Variants in SLC26A3 observed in about 807,000 individuals in gnomAD.
The protein encoded by SLC26A3 is chloride anion exchanger.
In SLC26A3, 64 loss-of-function variants were observed where a neutral mutation model predicts 85.6. The ratio of observed to expected loss-of-function variants is 0.75; its 90% CI spans 0.61 to 0.92. SLC26A3 has a LOEUF of 0.92. Ranked by LOEUF, SLC26A3 falls within the 40% of genes least tolerant of loss-of-function variation. SLC26A3 has a pLI of 0.00. For missense variants in SLC26A3, 922 were observed against 927.3 expected (o/e 0.99, Z 0.07); for synonymous variants, 349 against 336.0 (o/e 1.04, Z -0.42).
intron 1 of SLC26A3, among the ~76,000 whole-genome samples, chr7:107,795,557 C>G (rs554956264): frequency 1.3e-5 from 2 of 152,294 alleles, no homozygotes; most frequent in South Asian, 2.1e-4. Context: ...ATCACACACA[C>G]TCCAAACCCA....
In SLC26A3 at chr7:107,791,143, A is replaced by G. The variant is rs2115873956; in HGVS notation, c.475T>C (p.Leu159=). ...GAAGAATTATTCGAGTTGTTAGGCA[A>G]TCCCAAAGTAGTTGCATTGCGATCT... ...VPDRNATTLG[L]PNNSNNSSLL... is the part of the protein sequence containing the mutation. The change falls in exon 5 of 21, where the codon TTG becomes CTG. Residue 159 remains leucine (L), a synonymous_variant. Transcript: ENST00000340010. 5 of 1,614,180 alleles carry G rather than the reference A, an allele frequency of 3.1e-6. No homozygotes were observed. The East Asian group carries it at 1.1e-4, about 36-fold the overall frequency.
Position 107,787,273 on chromosome 7 carries a change from A to C in SLC26A3, c.888+84T>G, listed in dbSNP as rs183330483. On this transcript the variant is annotated intron_variant, in intron 7 of 20. Transcript: ENST00000340010. ...GCAGAGATGGCCTCTGCCCCACTAA[A>C]ACTTCCTGAGCTACAAATGGTGAAG... 56 of 1,483,046 alleles carry C rather than the reference A, an allele frequency of 3.8e-5. No individual in the cohort carries two copies. The African/African-American group carries it at 6.4e-4, about 17-fold the overall frequency. 91.9% of individuals were successfully genotyped at this position (1,483,046 alleles called of 1,614,324 possible).
At chr7:107,788,069 T>C (rs1401649788) in intron 6 of SLC26A3, among the ~76,000 whole-genome samples, 1 of 152,184 alleles carries the variant, frequency 6.6e-6, no homozygotes, top group East Asian at 1.9e-4. Context: ...CATATCCACT[T>C]ACCCCAAAAA....
chr7:107,791,173 C>A lies in SLC26A3; in HGVS notation c.445G>T (p.Val149Phe), dbSNP rs1318628730. The change falls in exon 5 of 21, where the codon GTC becomes TTC. Residue 149 changes from valine (V) to phenylalanine (F), a missense_variant. Val to Phe is a conservative substitution (Grantham distance 50). Transcript: ENST00000340010. ...AAAGTAGTTGCATTGCGATCTGGGA[C>A]TGCTTTTGAAACTGCTCCTGAAACT... ...LAVSGAVSKA[V>F]PDRNATTLGL... 3 of 1,614,090 alleles carry A rather than the reference C, an allele frequency of 1.9e-6. No individual in the cohort carries two copies. Among genetic ancestry groups the A allele is most frequent in the Non-Finnish European group, 2.5e-6 (3 of 1,180,054 alleles).
At chr7:107,770,055 T>TC in intron 18 of SLC26A3, among the ~76,000 whole-genome samples, 3 of 149,212 alleles carry the variant, frequency 2.0e-5, no homozygotes, top group African/African-American at 7.4e-5. Flanking sequence ...TCTTTCTCTT[T>TC]TCTTTCTTTT....
chr7:107,779,851 C>A, intron 11 of SLC26A3, 88 bp from the exon 12 acceptor site: 1 of 1,081,776 alleles, frequency 9.2e-7, no homozygotes, highest in Non-Finnish European at 1.4e-6. Flanking sequence ...TAAGTGTGTG[C>A]TTTAAAGGGC....
rs2115844998 is a variant in SLC26A3 at position 107,783,256 on chromosome 7, T to A, written c.1068A>T (p.Ser356=). 1 of 1,614,214 alleles carries A rather than the reference T, an allele frequency of 6.2e-7. No homozygotes were observed. The highest frequency in any genetic ancestry group is 8.5e-7 in the Non-Finnish European group (1 of 1,180,028). The change falls in exon 9 of 21, where the codon TCA becomes TCT. Residue 356 remains serine, a synonymous_variant. Transcript: ENST00000340010. ...IAMVAFAVAF[S]VASVYSLKYD... is the part of the protein sequence containing the mutation. Reference sequence around the variant, plus strand: ...ATTTGAGGGAATAGACGCTGGCAACTGAAAAGGCCACTGCAAATGCAACCA... The same window carrying A: ...ATTTGAGGGAATAGACGCTGGCAACAGAAAAGGCCACTGCAAATGCAACCA...
chr7:107,788,744 G>A (rs189385050), intron 6 of SLC26A3, among the ~76,000 whole-genome samples: 122 of 141,492 alleles, frequency 8.6e-4, no homozygotes, highest in Non-Finnish European at 1.3e-3. Flanking sequence ...CTTTTCTTTC[G>A]TTTCCTTTTT....
At chr7:107,788,941 C>CAG in intron 6 of SLC26A3, among the ~76,000 whole-genome samples, 1 of 151,116 alleles carries the variant, frequency 6.6e-6, no homozygotes, top group Admixed American at 6.6e-5. Flanking sequence ...CACCACCATG[C>CAG]CCGGCTAATT....
chr7:107,794,396 A>T lies in SLC26A3; in HGVS notation c.114T>A (p.His38Gln). ...TGRHHKTFLDHLKVCCSCSPQ... is the reference protein window; with the variant it reads ...TGRHHKTFLDQLKVCCSCSPQ... ...TATCTTACCTACAACACACTTTGAGATGATCCAGAAATGTCTTATGATGTC... is the reference window on the plus strand; with the variant it reads ...TATCTTACCTACAACACACTTTGAGTTGATCCAGAAATGTCTTATGATGTC... The change falls in exon 2 of 21, where the codon CAT becomes CAA. Residue 38 changes from histidine (H) to glutamine (Q), a missense_variant. Transcript: ENST00000340010. The T allele has an allele frequency of 6.2e-7, 1 of 1,614,064 alleles. No individual in the cohort carries two copies. The highest frequency in any genetic ancestry group is 8.5e-7 in the Non-Finnish European group (1 of 1,179,932).
rs1793898243 is a variant in SLC26A3, at chr7:107,765,575, G to A, written c.*280C>T. ...ACTGCTAAACCTATGCATGAAGGTAGTGACTAGGATGGAAATCTGTCAGTG... is the reference window on the plus strand; with the variant it reads ...ACTGCTAAACCTATGCATGAAGGTAATGACTAGGATGGAAATCTGTCAGTG... On this transcript the variant is annotated 3_prime_UTR_variant, in exon 21 of 21. Transcript: ENST00000340010. 2.5e-6 allele frequency: 1 copy of A among 392,436 alleles called. No individual in the cohort carries two copies. Among genetic ancestry groups the A allele is most frequent in the South Asian group, 3.6e-5 (1 of 27,998 alleles). The allele number at this position is 392,436 out of a possible 1,614,324, so 24.3% of individuals were successfully genotyped here.
At chr7:107,789,258 A>C (rs1794351484) in intron 6 of SLC26A3, among the ~76,000 whole-genome samples, 1 of 150,820 alleles carries the variant, frequency 6.6e-6, no homozygotes, top group Non-Finnish European at 1.5e-5. Context: ...CTGGGACTAC[A>C]GGTGCCTGCC....
rs374372529 is a variant in SLC26A3 at position 107,779,721 on chromosome 7, G to A, written c.1354C>T (p.Leu452=). The change falls in exon 12 of 21, where the codon CTG becomes TTG. Residue 452 remains leucine (L), a synonymous_variant. Transcript: ENST00000340010. Reference sequence around the variant, plus strand: ...CTGCCTATTTCAGCAAACTGCATCAGCATTCCCTTTAAGTTTCCCAATGCT... The same window carrying A: ...CTGCCTATTTCAGCAAACTGCATCAACATTCCCTTTAAGTTTCCCAATGCT... ...ALALGNLKGM[L]MQFAEIGRLW... is the part of the protein sequence containing the mutation. 2 of 1,613,960 alleles carry A rather than the reference G, an allele frequency of 1.2e-6. No homozygotes were observed. Among genetic ancestry groups the A allele is most frequent in the East Asian group, 2.2e-5 (1 of 44,868 alleles).
chr7:107,767,028 A>T (rs1793928115), intron 20 of SLC26A3, among the ~76,000 whole-genome samples: 2 of 152,192 alleles, frequency 1.3e-5, no homozygotes, highest in Non-Finnish European at 2.9e-5. Context: ...AACTAGAAAC[A>T]TTGCTTTAAA....
chr7:107,787,613 G>T (rs1794319866), intron 6 of SLC26A3, 104 bp from the exon 7 acceptor site: 1 of 913,892 alleles, frequency 1.1e-6, no homozygotes, highest in South Asian at 1.5e-5. Flanking sequence ...CAAAAAGACT[G>T]ATAGAGACTG....
At chr7:107,770,000 C>CTGTCTTTCTTTCTTTCTTTCTT (rs1306096940) in intron 18 of SLC26A3, among the ~76,000 whole-genome samples, 1 of 130,994 alleles carries the variant, frequency 7.6e-6, no homozygotes, top group East Asian at 2.2e-4. Flanking sequence ...TTCCTTTTTT[C>CTGTCTTTCTTTCTTTCTTTCTT]TCTTTCTTTC....
intron 1 of SLC26A3, among the ~76,000 whole-genome samples, chr7:107,800,427 C>G (rs1013800092): frequency 2.6e-5 from 4 of 152,360 alleles, no homozygotes; most frequent in East Asian, 3.9e-4. Context: ...GTCAGGAACT[C>G]AGTTCCTAAC....
intron 11 of SLC26A3, among the ~76,000 whole-genome samples, chr7:107,780,935 G>T (rs1794206526): frequency 6.6e-6 from 1 of 152,306 alleles, no homozygotes; most frequent in African/African-American, 2.4e-5. Context: ...AGGCAAAGAA[G>T]TCAGAGGACT....
intron 18 of SLC26A3, among the ~76,000 whole-genome samples, chr7:107,770,122 CTCTT>C (rs961727575): frequency 1.0e-4 from 8 of 76,524 alleles, no homozygotes; most frequent in East Asian, 4.1e-4. Flanking sequence ...TTTCTTCTTT[CTCTT>C]TCTTTCTTTC....
Sources: allele counts gnomAD v4.1 joint callset (sites outside exome capture counted in the v4.1 genomes callset), GRCh38; gene constraint gnomAD v4.1.1; transcripts MANE v1.5; gene names NCBI Gene and HGNC (gene_info 2026-07-23, HGNC 2026-07-21).